The following IRX3 variants were observed in gnomAD, a reference collection of about 807,000 sequenced individuals.
IRX3 encodes iroquois homeobox 3.
In IRX3, 20 loss-of-function variants were observed where a neutral mutation model predicts 36.4. The ratio of observed to expected loss-of-function variants is 0.55; its 90% confidence interval spans 0.39 to 0.80. The LOEUF is 0.80. IRX3 is among the 30% of genes least tolerant of loss of function. The pLI, the probability that IRX3 is intolerant of heterozygous loss-of-function variation, is 0.00. For synonymous variants in IRX3, 404 were observed against 351.6 expected (o/e 1.15, Z -1.67); for missense variants, 718 against 733.2 (o/e 0.98, Z 0.24).
At position 54,285,217 on chromosome 16, in the gene IRX3, C is replaced by G. The variant is rs768270530; in HGVS notation, c.664G>C (p.Gly222Arg). The G allele has an allele frequency of 1.4e-5, 23 of 1,607,684 alleles. No homozygotes were observed. The highest frequency in any genetic ancestry group is 1.1e-4 in the African/African-American group (8 of 74,712). ...EEDEEEDEED[G>R]KRELELEEEE... is the part of the protein sequence containing the mutation. Reference sequence around the variant, plus strand: ...TCCTCCAGCTCTAGCTCGCGTTTGCCGTCCTCCTCGTCCTCCTCTTCGTCT... The same window carrying G: ...TCCTCCAGCTCTAGCTCGCGTTTGCGGTCCTCCTCGTCCTCCTCTTCGTCT... The change falls in exon 2 of 4, where the codon GGC becomes CGC. Residue 222 changes from glycine (G) to arginine (R), a missense_variant. Coordinates refer to ENST00000329734, the MANE Select transcript of IRX3 (RefSeq NM_024336.3). This position sits in a 1 kb window ranked among gnomAD's most constrained non-coding sequence, Gnocchi z 5.7.
In IRX3 at chr16:54,285,371, G is replaced by A. The variant is rs1241189092; in HGVS notation, c.510C>T (p.Thr170=). ...CGAACCAGGTGGACACCTGGGTGAG[G>A]GTCATCTTGGTGATGATGGCCAGCA... The part of the protein sequence containing the change: ...KIMLAIITKM[T]LTQVSTWFAN... Residue 170 remains threonine (T), a synonymous_variant, in exon 2 of 4, where the codon ACC becomes ACT. Coordinates refer to ENST00000329734, the MANE Select transcript of IRX3 (RefSeq NM_024336.3). The surrounding 1 kb of genome is among the most constrained non-coding windows in gnomAD (Gnocchi z 5.7). 4 of 1,614,048 alleles carry A rather than the reference G, an allele frequency of 2.5e-6. No homozygotes were observed. In the African/African-American group the frequency reaches 5.3e-5, roughly 22 times the overall value.
chr16:54,284,789 G>A lies in IRX3; in HGVS notation c.1092C>T (p.Arg364=). 1 of 1,466,632 alleles carries A rather than the reference G, an allele frequency of 6.8e-7. No individual in the cohort carries two copies. 90.9% of individuals were successfully genotyped at this position (1,466,632 alleles called of 1,614,324 possible). A position where few individuals can be genotyped will look rare whatever the true frequency, so the allele number is the denominator to read the frequency against. Residue 364 remains arginine, a synonymous_variant, in exon 2 of 4, where the codon CGC becomes CGT. Coordinates refer to ENST00000329734, the MANE Select transcript of IRX3 (RefSeq NM_024336.3). This position sits in a 1 kb window ranked among gnomAD's most constrained non-coding sequence, Gnocchi z 4.0. ...GAGACCCCCCCGCGCCGGGAGGCGA[G>A]CGGCGCGGGTTGTCCGGGCTTGTGG... is the stretch of plus-strand genomic sequence containing the variant. ...ETATSPDNPR[R]SPPGAGGSPP...
rs1362891857 is a variant in IRX3 at position 54,284,638 on chromosome 16, C to A, written c.1243G>T (p.Gly415Cys). The A allele has an allele frequency of 7.3e-7, 1 of 1,377,694 alleles. No homozygotes were observed. Among genetic ancestry groups the A allele is most frequent in the South Asian group, 1.7e-5 (1 of 57,878 alleles). 85.3% of individuals were successfully genotyped at this position (1,377,694 alleles called of 1,614,324 possible). The change falls in exon 2 of 4, where the codon GGC becomes TGC. Residue 415 changes from glycine (G) to cysteine (C), a missense_variant. Coordinates refer to ENST00000329734, the MANE Select transcript of IRX3 (RefSeq NM_024336.3). The surrounding 1 kb of genome is among the most constrained non-coding windows in gnomAD (Gnocchi z 4.0). Reference protein sequence around the residue: ...FPAWTNRPFPGPPPGPRLHPL... With the variant: ...FPAWTNRPFPCPPPGPRLHPL... ...TGCAGGCGGGGGCCGGGCGGTGGGCCTGGAAACGGCCGGTTGGTCCAAGCC... is the reference window on the plus strand; with the variant it reads ...TGCAGGCGGGGGCCGGGCGGTGGGCATGGAAACGGCCGGTTGGTCCAAGCC...
Position 54,283,970 on chromosome 16 carries a change from C to A in IRX3, c.1452-230G>T. 1 of 1,438,734 alleles carries A rather than the reference C, an allele frequency of 7.0e-7. No homozygotes were observed. Among genetic ancestry groups the A allele is most frequent in the South Asian group, 1.5e-5 (1 of 65,912 alleles). 89.1% of individuals were successfully genotyped at this position (1,438,734 alleles called of 1,614,324 possible). ...AGGTGGGCGTCAGAGAACCGCCACC[C>A]GCCCCAGGGGCCTGTGGGCCCAGCC... On this transcript the variant is annotated intron_variant, in intron 3 of 3. Coordinates refer to ENST00000329734, the MANE Select transcript of IRX3 (RefSeq NM_024336.3). This position sits in a 1 kb window ranked among gnomAD's most constrained non-coding sequence, Gnocchi z 4.4.
Position 54,285,185 on chromosome 16 carries a change from C to T in IRX3, c.696G>A (p.Glu232=), listed in dbSNP as rs1596759169. 1.3e-6 allele frequency: 2 copies of T among 1,598,860 alleles called. No homozygotes were observed. The highest frequency in any genetic ancestry group is 1.3e-5 in the African/African-American group (1 of 74,616). The change falls in exon 2 of 4, where the codon GAG becomes GAA. Residue 232 remains glutamate, a synonymous_variant. Transcript: ENST00000329734. The surrounding 1 kb of genome is among the most constrained non-coding windows in gnomAD (Gnocchi z 5.7). ...CCGTGTCCTCCTCCTCCCCCCCGAGCTCCTCCTCCTCCAGCTCTAGCTCGC... is the reference window on the plus strand; with the variant it reads ...CCGTGTCCTCCTCCTCCCCCCCGAGTTCCTCCTCCTCCAGCTCTAGCTCGC... The part of the protein sequence containing the change: ...GKRELELEEE[E]LGGEEEDTGG...
rs759120276 is a variant in IRX3 at position 54,284,767 on chromosome 16, A to AC, written c.1113dup (p.Ser372ValfsTer94). 13 of 1,457,240 alleles carry AC rather than the reference A, an allele frequency of 8.9e-6. No homozygotes were observed. Among genetic ancestry groups the AC allele is most frequent in the Admixed American group, 2.8e-5 (1 of 36,008 alleles). The allele number at this position is 1,457,240 out of a possible 1,614,324, so 90.3% of individuals were successfully genotyped here. On this transcript the variant is annotated frameshift_variant, in exon 2 of 4. Coordinates refer to ENST00000329734, the MANE Select transcript of IRX3 (RefSeq NM_024336.3). LOFTEE classifies it high-confidence loss of function. The surrounding 1 kb of genome is among the most constrained non-coding windows in gnomAD (Gnocchi z 4.0). ...GGCGCGACCGCTGCCCCCGGTGGAG[A>AC]CCCCCCCGCGCCGGGAGGCGAGCGG...
chr16:54,285,088 C>T lies in IRX3; in HGVS notation c.793G>A (p.Glu265Lys), dbSNP rs374208191. 1.4e-5 allele frequency: 22 copies of T among 1,613,738 alleles called. No homozygotes were observed. Among genetic ancestry groups the T allele is most frequent in the African/African-American group, 2.7e-5 (2 of 74,900 alleles). The change falls in exon 2 of 4, where the codon GAG becomes AAG. Residue 265 changes from glutamate (E) to lysine (K), a missense_variant. Physicochemically the swap from Glu to Lys is moderately conservative, Grantham distance 56. Transcript: ENST00000329734. The surrounding 1 kb of genome is among the most constrained non-coding windows in gnomAD (Gnocchi z 5.7). ...DLENLDGAAT[E>K]PELSLAGAAR... ...GCCCCAGCCAGGGACAGCTCAGGCT[C>T]GGTGGCCGCGCCGTCTAAGTTCTCC... is the stretch of plus-strand genomic sequence containing the variant.
Position 54,285,994 on chromosome 16 carries a change from G to C in IRX3, c.57C>G (p.Arg19=). ...CGCCGCTGCCGCCAGCGGCCCCCGGGCGCTCGGACGGGTAAAGCGGGCGGA... is the reference window on the plus strand; with the variant it reads ...CGCCGCTGCCGCCAGCGGCCCCCGGCCGCTCGGACGGGTAAAGCGGGCGGA... The part of the protein sequence containing the change: ...QYIRPLYPSE[R]PGAAGGSGGS... The change falls in exon 1 of 4, where the codon CGC becomes CGG. Residue 19 remains arginine, a synonymous_variant. Coordinates refer to ENST00000329734, the MANE Select transcript of IRX3 (RefSeq NM_024336.3). The surrounding 1 kb of genome is among the most constrained non-coding windows in gnomAD (Gnocchi z 5.7). The C allele has an allele frequency of 7.4e-7, 1 of 1,356,496 alleles. No homozygotes were observed. 84.0% of individuals were successfully genotyped at this position (1,356,496 alleles called of 1,614,324 possible). A position where few individuals can be genotyped will look rare whatever the true frequency, so the allele number is the denominator to read the frequency against.
Position 54,284,203 on chromosome 16 carries a change from C to T in IRX3, c.1451+43G>A, listed in dbSNP as rs1425487180. On this transcript the variant is annotated intron_variant, in intron 3 of 3. Transcript: ENST00000329734. The surrounding 1 kb of genome is among the most constrained non-coding windows in gnomAD (Gnocchi z 4.0). ...GGTGCTCGGCGTCCTCTCCTTTCCCCGCCAGCCAGTCCCCCTGGCCCCTCA... is the reference window on the plus strand; with the variant it reads ...GGTGCTCGGCGTCCTCTCCTTTCCCTGCCAGCCAGTCCCCCTGGCCCCTCA... 5.7e-6 allele frequency: 9 copies of T among 1,573,082 alleles called. No individual in the cohort carries two copies. Among genetic ancestry groups the T allele is most frequent in the Middle Eastern group, 1.8e-4 (1 of 5,708 alleles).
chr16:54,284,426 G>A lies in IRX3; in HGVS notation c.1384+71C>T, dbSNP rs952323094. On this transcript the variant is annotated intron_variant, in intron 2 of 3. Transcript: ENST00000329734. This position sits in a 1 kb window ranked among gnomAD's most constrained non-coding sequence, Gnocchi z 4.0. Reference sequence around the variant, plus strand: ...GCGCGCCCTGCGCCCCCCGGGCCCTGCCCCTCCCGGCCAGCTCCGGCACTA... The same window carrying A: ...GCGCGCCCTGCGCCCCCCGGGCCCTACCCCTCCCGGCCAGCTCCGGCACTA... 8 of 1,414,600 alleles carry A rather than the reference G, an allele frequency of 5.7e-6. No individual in the cohort carries two copies. The African/African-American group carries it at 7.6e-5, about 13-fold the overall frequency. 87.6% of individuals were successfully genotyped at this position (1,414,600 alleles called of 1,614,324 possible). A position where few individuals can be genotyped will look rare whatever the true frequency, so the allele number is the denominator to read the frequency against.
In IRX3 at chr16:54,284,800, T is replaced by C; in HGVS notation, c.1081A>G (p.Asn361Asp). ...GCGCCGGGAGGCGAGCGGCGCGGGT[T>C]GTCCGGGCTTGTGGCAGTCTCCGCG... ...SLAETATSPD[N>D]PRRSPPGAGG... The change falls in exon 2 of 4, where the codon AAC (asparagine) becomes GAC (aspartate). Residue 361 changes from asparagine (N) to aspartate (D), a missense_variant. Asn to Asp is a conservative substitution (Grantham distance 23). This residue lies in a region of IRX3 where 468 missense variants were observed against 462.1 expected (regional missense o/e 1.01). Transcript: ENST00000329734. This position sits in a 1 kb window ranked among gnomAD's most constrained non-coding sequence, Gnocchi z 4.0. 6.8e-7 allele frequency: 1 copy of C among 1,473,828 alleles called. No homozygotes were observed. Among genetic ancestry groups the C allele is most frequent in the East Asian group, 2.6e-5 (1 of 38,024 alleles). 91.3% of individuals were successfully genotyped at this position (1,473,828 alleles called of 1,614,324 possible).
Position 54,284,090 on chromosome 16 carries a change from G to A in IRX3, c.1451+156C>T. ...CTGGAGAGCTGTCGCAGGGCCGACA[G>A]GGGCGACTGAAAAAGTGACTTTCGT... is the stretch of plus-strand genomic sequence containing the variant. On this transcript the variant is annotated intron_variant, in intron 3 of 3. Coordinates refer to ENST00000329734, the MANE Select transcript of IRX3 (RefSeq NM_024336.3). The surrounding 1 kb of genome is among the most constrained non-coding windows in gnomAD (Gnocchi z 4.0). 1 of 1,121,912 alleles carries A rather than the reference G, an allele frequency of 8.9e-7. No homozygotes were observed. The highest frequency in any genetic ancestry group is 1.6e-5 in the South Asian group (1 of 62,134). 69.5% of individuals were successfully genotyped at this position (1,121,912 alleles called of 1,614,324 possible). A position where few individuals can be genotyped will look rare whatever the true frequency, so the allele number is the denominator to read the frequency against.
Position 54,283,777 on chromosome 16 carries a change from AT to A in IRX3, c.1452-38del. On this transcript the variant is annotated intron_variant, in intron 3 of 3. Transcript: ENST00000329734. The surrounding 1 kb of genome is among the most constrained non-coding windows in gnomAD (Gnocchi z 4.4). ...AGACAGTAGTAGCAAAAGAGGTGAG[AT>A]TCAGGAGCGCAGAGGCTGCCTAGGG... 1 of 1,610,118 alleles carries A rather than the reference AT, an allele frequency of 6.2e-7. No homozygotes were observed. Among genetic ancestry groups the A allele is most frequent in the Non-Finnish European group, 8.5e-7 (1 of 1,178,528 alleles).
Position 54,284,570 on chromosome 16 carries a change from T to C in IRX3, c.1311A>G (p.Gly437=), listed in dbSNP as rs996605918. ...CCGGGTGGCCCGCGGCTCCGGGAAG[T>C]CCCAGCAGGTGCGGAGGGGCAGAGC... is the stretch of plus-strand genomic sequence containing the variant. ...LLGSAPPHLL[G]LPGAAGHPAA... Residue 437 remains glycine (G), a synonymous_variant, in exon 2 of 4, where the codon GGA becomes GGG. Transcript: ENST00000329734. The surrounding 1 kb of genome is among the most constrained non-coding windows in gnomAD (Gnocchi z 4.0). 70 of 1,409,584 alleles carry C rather than the reference T, an allele frequency of 5.0e-5. No homozygotes were observed. Among genetic ancestry groups the C allele is most frequent in the Admixed American group, 6.8e-5 (2 of 29,506 alleles). The allele number at this position is 1,409,584 out of a possible 1,614,324, so 87.3% of individuals were successfully genotyped here.
chr16:54,284,942 C>A lies in IRX3; in HGVS notation c.939G>T (p.Ala313=). 2 of 1,605,998 alleles carry A rather than the reference C, an allele frequency of 1.2e-6. No individual in the cohort carries two copies. The highest frequency in any genetic ancestry group is 1.7e-6 in the Non-Finnish European group (2 of 1,176,850). The change falls in exon 2 of 4, where the codon GCG becomes GCT. Residue 313 remains alanine (A), a synonymous_variant. Coordinates refer to ENST00000329734, the MANE Select transcript of IRX3 (RefSeq NM_024336.3). The surrounding 1 kb of genome is among the most constrained non-coding windows in gnomAD (Gnocchi z 4.0). ...GCGAGGCCACGGCCACTGGTGGTGG[C>A]GCTGGAGCCAGACTCAGGACCGGTA... The part of the protein sequence containing the change: ...RPLPVLSLAP[A]PPPVAVASPS...
chr16:54,284,737 C>T lies in IRX3; in HGVS notation c.1144G>A (p.Ala382Thr). The change falls in exon 2 of 4, where the codon GCC (alanine) becomes ACC (threonine). Residue 382 changes from alanine (A) to threonine (T), a missense_variant. By Grantham distance (58) the Ala-to-Thr change is moderately conservative. This residue lies in a region of IRX3 where 468 missense variants were observed against 462.1 expected (regional missense o/e 1.01). Coordinates refer to ENST00000329734, the MANE Select transcript of IRX3 (RefSeq NM_024336.3). The surrounding 1 kb of genome is among the most constrained non-coding windows in gnomAD (Gnocchi z 4.0). ...GCGGCGGCCGGAGAGAGCTGCAGGG[C>T]GGAAGGCGCGACCGCTGCCCCCGGT... ...SPPGAAVAPSALQLSPAAAAA... is the reference protein window; with the variant it reads ...SPPGAAVAPSTLQLSPAAAAA... 4.8e-6 allele frequency: 7 copies of T among 1,453,646 alleles called. No individual in the cohort carries two copies. Among genetic ancestry groups the T allele is most frequent in the Non-Finnish European group, 6.3e-6 (7 of 1,116,054 alleles). The allele number at this position is 1,453,646 out of a possible 1,614,324, so 90.0% of individuals were successfully genotyped here.
Position 54,285,957 on chromosome 16 carries a change from C to G in IRX3, c.94G>C (p.Ala32Pro). The G allele has an allele frequency of 7.1e-7, 1 of 1,412,710 alleles. No individual in the cohort carries two copies. The highest frequency in any genetic ancestry group is 1.6e-5 in the South Asian group (1 of 62,926). 87.5% of individuals were successfully genotyped at this position (1,412,710 alleles called of 1,614,324 possible). Residue 32 changes from alanine (A) to proline (P), a missense_variant, in exon 1 of 4, where the codon GCC (alanine) becomes CCC (proline). Physicochemically the swap from Ala to Pro is conservative, Grantham distance 27 (BLOSUM62 -1). This residue lies in a region of IRX3 where 204 missense variants were observed against 181.4 expected (regional missense o/e 1.12). Transcript: ENST00000329734. This position sits in a 1 kb window ranked among gnomAD's most constrained non-coding sequence, Gnocchi z 5.7. ...AAGGSGGSAG[A>P]RGGLGAGASE... ...GCTCCGGCACCCAGGCCGCCCCGGG[C>G]CCCCGCGCTGCCGCCGCTGCCGCCA... is the stretch of plus-strand genomic sequence containing the variant.
At position 54,285,571 on chromosome 16, in the gene IRX3, G is replaced by T; in HGVS notation, c.310C>A (p.Pro104Thr). 1 of 1,585,266 alleles carries T rather than the reference G, an allele frequency of 6.3e-7. No individual in the cohort carries two copies. The highest frequency in any genetic ancestry group is 2.3e-5 in the East Asian group (1 of 43,528). The change falls in exon 2 of 4, where the codon CCG becomes ACG. Residue 104 changes from proline to threonine, a missense_variant. Transcript: ENST00000329734. This position sits in a 1 kb window ranked among gnomAD's most constrained non-coding sequence, Gnocchi z 5.7. ...TGCGGAAACGCGGCAGCCGCGGCCG[G>T]ATGCTGCACCCCGGGGCTGTCCTTC... ...ELKDSPGVQH[P>T]AAAAAFPHPH...
Position 54,285,327 on chromosome 16 carries a change from A to T in IRX3, c.554T>A (p.Leu185His). 1 of 1,613,892 alleles carries T rather than the reference A, an allele frequency of 6.2e-7. No individual in the cohort carries two copies. Among genetic ancestry groups the T allele is most frequent in the Non-Finnish European group, 8.5e-7 (1 of 1,179,986 alleles). ...STWFANARRR[L>H]KKENKMTWAP... ...CCAAGTCATCTTATTCTCCTTCTTG[A>T]GGCGCCGGCGCGCGTTGGCGAACCA... Residue 185 changes from leucine (L) to histidine (H), a missense_variant, in exon 2 of 4, where the codon CTC becomes CAC. By Grantham distance (99) the Leu-to-His change is moderately conservative (BLOSUM62 -3). Around this residue, in one of 3 missense-constraint regions of IRX3, gnomAD observed 468 missense variants for 462.1 expected, o/e 1.01. Coordinates refer to ENST00000329734, the MANE Select transcript of IRX3 (RefSeq NM_024336.3). The surrounding 1 kb of genome is among the most constrained non-coding windows in gnomAD (Gnocchi z 5.7).
Sources: allele counts gnomAD v4.1 joint callset, GRCh38; gene constraint gnomAD v4.1.1; regional missense constraint gnomAD v4.1.1; non-coding constraint Gnocchi (gnomAD v3.1); transcripts MANE v1.5; gene names NCBI Gene and HGNC (gene_info 2026-07-23, HGNC 2026-07-21).